Variants in CADM2 observed in about 807,000 individuals in gnomAD.
The protein encoded by CADM2 is immunoglobulin superfamily member 4D.
A neutral mutation model predicts 49.8 loss-of-function variants in CADM2; 12 were observed. The ratio of observed to expected loss-of-function variants is 0.24; its 90% CI spans 0.15 to 0.39. The LOEUF is 0.39. CADM2 is among the 10% of genes least tolerant of loss of function. The probability of loss-of-function intolerance (pLI) is 1.00; values close to 1 mark genes in which losing one functional copy is unlikely to be tolerated. For missense variants in CADM2, 378 were observed against 492.3 expected (o/e 0.77, Z 2.20); for synonymous variants, 214 against 175.4 (o/e 1.22, Z -1.74).
chr3:85,039,140 T>G (rs893960429), intron 1 of CADM2, among the ~76,000 whole-genome samples: 1 of 152,086 alleles, frequency 6.6e-6, no homozygotes, highest in South Asian at 2.1e-4. Flanking sequence ...TAGCTGGGAT[T>G]AGAGGTACCC....
intron 1 of CADM2, among the ~76,000 whole-genome samples, chr3:85,298,070 G>T (rs931926451): frequency 6.6e-6 from 1 of 151,974 alleles, no homozygotes; most frequent in Non-Finnish European, 1.5e-5. Context: ...TTATGTTAGG[G>T]GAAAAAATGA....
intron 1 of CADM2, among the ~76,000 whole-genome samples, chr3:85,114,180 T>C (rs2038559985): frequency 6.6e-6 from 1 of 151,818 alleles, no homozygotes; most frequent in Non-Finnish European, 1.5e-5. Context: ...CTTAGCTCAC[T>C]GGGAATAGGT....
chr3:85,009,304 A>C (rs2033878787), intron 1 of CADM2, among the ~76,000 whole-genome samples: 1 of 152,218 alleles, frequency 6.6e-6, no homozygotes, highest in Non-Finnish European at 1.5e-5. Flanking sequence ...AGAGTGATAA[A>C]TATGAGTGGA....
Position 85,750,677 on chromosome 3 carries a change from A to G in CADM2, c.88+24129A>G, listed in dbSNP as rs137990165. On this transcript the variant is annotated intron_variant, in intron 2 of 9. Coordinates refer to ENST00000383699, the MANE Select transcript of CADM2 (RefSeq NM_001167675.2). ...ATTTTTATTAAAATGAGTAAGAAAT[A>G]TATCAAGTGCCATGGTACAGAATAT... Among the ~76,000 whole-genome samples, 966 of 152,230 alleles carry G rather than the reference A, an allele frequency of 6.3e-3. 4 individuals are homozygous for G. The highest frequency in any genetic ancestry group is 9.6e-3 in the Admixed American group (146 of 15,278).
chr3:85,290,303 T>C (rs1303149263), intron 1 of CADM2, among the ~76,000 whole-genome samples: 14 of 152,112 alleles, frequency 9.2e-5, no homozygotes, highest in Admixed American at 8.5e-4. Flanking sequence ...CACGGAATCT[T>C]GCTGATTGCT....
At chr3:85,074,562 G>A (rs1487173663) in intron 1 of CADM2, among the ~76,000 whole-genome samples, 6 of 151,980 alleles carry the variant, frequency 3.9e-5, no homozygotes, top group Admixed American at 1.3e-4. Flanking sequence ...ATAGTTCCTG[G>A]CACATAATTT....
chr3:86,032,604 A>G (rs561809636), intron 8 of CADM2, among the ~76,000 whole-genome samples: 1 of 152,016 alleles, frequency 6.6e-6, no homozygotes, highest in South Asian at 2.1e-4. Flanking sequence ...ACTTAACTCT[A>G]TACTTGTAAC....
chr3:85,821,342 C>T (rs2073552673), intron 3 of CADM2, among the ~76,000 whole-genome samples: 1 of 152,074 alleles, frequency 6.6e-6, no homozygotes, highest in South Asian at 2.1e-4. Flanking sequence ...GAGGGCAGGG[C>T]ATCAATCCTT....
chr3:85,598,467 A>G (rs1302068430), intron 1 of CADM2, among the ~76,000 whole-genome samples: 2 of 151,994 alleles, frequency 1.3e-5, no homozygotes, highest in East Asian at 3.9e-4. Context: ...TAATAGTGTC[A>G]TCCACTTGTT....
At chr3:85,876,107 G>A (rs539480320) in intron 3 of CADM2, among the ~76,000 whole-genome samples, 1 of 152,242 alleles carries the variant, frequency 6.6e-6, no homozygotes, top group South Asian at 2.1e-4. Flanking sequence ...TTACTGGTTG[G>A]AGATTAAATA....
In CADM2 at chr3:85,428,903, T is replaced by C. The variant is rs1051550893; in HGVS notation, c.62-297619T>C. ...ACTACGGAAACTTAATCAAGGAATT[T>C]GCCCTAATTCTTGAGGTGAAAATCA... is the stretch of plus-strand genomic sequence containing the variant. On this transcript the variant is annotated intron_variant, in intron 1 of 9. Coordinates refer to ENST00000383699, the MANE Select transcript of CADM2 (RefSeq NM_001167675.2). Among the ~76,000 whole-genome samples the C allele has an allele frequency of 4.0e-5, 6 of 151,876 alleles. No individual in the cohort carries two copies. In the South Asian group the frequency reaches 1.2e-3, roughly 32 times the overall value.
At chr3:85,382,140 T>G (rs914265553) in intron 1 of CADM2, among the ~76,000 whole-genome samples, 4 of 151,924 alleles carry the variant, frequency 2.6e-5, no homozygotes, top group Admixed American at 2.0e-4. Context: ...AATTCTTTAT[T>G]TATAAAACAA....
intron 1 of CADM2, among the ~76,000 whole-genome samples, chr3:85,539,084 T>G (rs546395532): frequency 6.6e-6 from 1 of 151,760 alleles, no homozygotes; most frequent in South Asian, 2.1e-4. Context: ...AACATAACCT[T>G]CTCGGTTTAA....
chr3:86,071,475 T>A lies in CADM2; in HGVS notation c.*4692T>A, dbSNP rs980815073. The A allele has an allele frequency of 6.6e-6, 1 of 151,880 alleles. No individual in the cohort carries two copies. Among genetic ancestry groups the A allele is most frequent in the Admixed American group, 6.6e-5 (1 of 15,212 alleles). 9.4% of individuals were successfully genotyped at this position (151,880 alleles called of 1,614,324 possible). On this transcript the variant is annotated 3_prime_UTR_variant, in exon 10 of 10. Coordinates refer to ENST00000383699, the MANE Select transcript of CADM2 (RefSeq NM_001167675.2). ...TTCTAAAATCATCAGCATTTTTATG[T>A]ATTGAGATTATTAATATTGAATGCA...
chr3:85,741,435 C>T (rs1010654981), intron 2 of CADM2, among the ~76,000 whole-genome samples: 1 of 151,972 alleles, frequency 6.6e-6, no homozygotes, highest in African/African-American at 2.4e-5. Flanking sequence ...TTTGGAAGGC[C>T]GGGGCGGGGG....
chr3:85,013,177 G>A (rs1373074935), intron 1 of CADM2, among the ~76,000 whole-genome samples: 1 of 150,302 alleles, frequency 6.7e-6, no homozygotes, highest in Non-Finnish European at 1.5e-5. Context: ...TATGGAGAAG[G>A]AAAACTAGTC....
At chr3:86,049,604 A>G (rs150110943) in intron 8 of CADM2, among the ~76,000 whole-genome samples, 1 of 152,210 alleles carries the variant, frequency 6.6e-6, no homozygotes, top group African/African-American at 2.4e-5. Context: ...GTTGGCTCAC[A>G]GTTCCATGGG....
intron 1 of CADM2, among the ~76,000 whole-genome samples, chr3:85,550,314 C>T (rs1252443872): frequency 6.6e-6 from 1 of 152,116 alleles, no homozygotes; most frequent in African/African-American, 2.4e-5. Flanking sequence ...AAAATTTGCT[C>T]AAGTATTTGA....
chr3:85,753,918 A>C (rs1168373956), intron 2 of CADM2, among the ~76,000 whole-genome samples: 1 of 152,136 alleles, frequency 6.6e-6, no homozygotes, highest in Admixed American at 6.6e-5. Flanking sequence ...CAAGTGGGCA[A>C]CCTGAGAGAT....
Sources: gnomAD v4.1 joint callset for allele counts (sites outside exome capture counted in the v4.1 genomes callset) on GRCh38, gnomAD v4.1.1 for gene constraint, MANE v1.5 for transcripts, NCBI Gene and HGNC (gene_info 2026-07-23, HGNC 2026-07-21) for gene names.